The following ICAM3 variants were observed in gnomAD, a reference collection of about 807,000 sequenced individuals.
The protein encoded by ICAM3 is intercellular adhesion molecule 3.
Under a neutral mutation model 43.6 loss-of-function variants are expected in ICAM3, and 54 were observed. That is an observed-to-expected ratio of 1.24 (90% confidence interval 0.99 to 1.55). The LOEUF is 1.55. Among genes scored for constraint, ICAM3 ranks in the 40% most tolerant of loss-of-function variants. The probability of loss-of-function intolerance (pLI) is 0.00; values close to 1 mark genes in which losing one functional copy is unlikely to be tolerated. For missense variants in ICAM3, 715 were observed against 717.9 expected, an observed-to-expected ratio of 1.00 and a Z score of 0.05; for synonymous variants, 306 against 312.6, an observed-to-expected ratio of 0.98 and a Z score of 0.22.
Position 10,338,942 on chromosome 19 carries a change from T to C in ICAM3, c.83A>G (p.Gln28Arg), listed in dbSNP as rs2145104379. 2 of 1,613,788 alleles carry C rather than the reference T, an allele frequency of 1.2e-6. No individual in the cohort carries two copies. Among genetic ancestry groups the C allele is most frequent in the East Asian group, 4.5e-5 (2 of 44,890 alleles). Residue 28 changes from glutamine to arginine, a missense_variant, in exon 2 of 7, where the codon CAG becomes CGG. Transcript: ENST00000160262. ...LVCCLLTPGV[Q>R]GQEFLLRVEP... ...CACCCGCAAAAGGAACTCCTGCCCC[T>C]GGACACCTTCAGGAACATGAAGAAG...
rs1396820332 is a variant in ICAM3, at chr19:10,335,311, A to G, written c.692T>C (p.Leu231Ser). The G allele has an allele frequency of 1.2e-6, 2 of 1,612,158 alleles. No individual in the cohort carries two copies. The highest frequency in any genetic ancestry group is 8.5e-7 in the Non-Finnish European group (1 of 1,179,810). The stretch of plus-strand genomic sequence containing the variant: ...CACCGGCCACGACGTTTCCACCTCC[A>G]AGAACCGGGGGGCCACGAGGCGCGG... Reference protein sequence around the residue: ...TPPRLVAPRFLEVETSWPVDC... With the variant: ...TPPRLVAPRFSEVETSWPVDC... The change falls in exon 4 of 7, where the codon TTG becomes TCG. Residue 231 changes from leucine (L) to serine (S), a missense_variant. Coordinates refer to ENST00000160262, the MANE Select transcript of ICAM3 (RefSeq NM_002162.5).
rs1189993781 is a variant in ICAM3, at chr19:10,334,527, C to T, written c.1192+1G>A. On this transcript the variant is annotated splice_donor_variant, in intron 5 of 6. Coordinates refer to ENST00000160262, the MANE Select transcript of ICAM3 (RefSeq NM_002162.5). LOFTEE classifies it high-confidence loss of function. The surrounding 1 kb of genome is among the most constrained non-coding windows in gnomAD (Gnocchi z 5.5). ...ATTAAAGGTCAGGGTGACCGACTCA[C>T]ACAGGACTCGCAGCTGGACGCTACT... The T allele has an allele frequency of 4.4e-6, 7 of 1,606,004 alleles. No homozygotes were observed. The highest frequency in any genetic ancestry group is 1.3e-5 in the African/African-American group (1 of 74,828).
chr19:10,338,142 G>C (rs1242905271), intron 2 of ICAM3, among the ~76,000 whole-genome samples: 2 of 149,750 alleles, frequency 1.3e-5, no homozygotes, highest in Middle Eastern at 3.3e-3. Context: ...AGTGGCCCAT[G>C]CCTGTAATCC....
chr19:10,334,768 T>C lies in ICAM3; in HGVS notation c.952A>G (p.Ile318Val), dbSNP rs1179102499. The change falls in exon 5 of 7, where the codon ATT becomes GTT. Residue 318 changes from isoleucine (I) to valine (V), a missense_variant. Ile to Val is a conservative substitution (Grantham distance 29, BLOSUM62 3). Coordinates refer to ENST00000160262, the MANE Select transcript of ICAM3 (RefSeq NM_002162.5). The surrounding 1 kb of genome is among the most constrained non-coding windows in gnomAD (Gnocchi z 5.5). ...NLTVFSFLGP[I>V]VNLSEPTAHE... ...GCGGTGGGCTCGCTGAGGTTCACAATGGGTCCTAGGAAGCCTAAAGGCGGG... is the reference window on the plus strand; with the variant it reads ...GCGGTGGGCTCGCTGAGGTTCACAACGGGTCCTAGGAAGCCTAAAGGCGGG... The C allele has an allele frequency of 1.2e-6, 2 of 1,603,764 alleles. No homozygotes were observed. Among genetic ancestry groups the C allele is most frequent in the East Asian group, 2.2e-5 (1 of 44,706 alleles).
chr19:10,335,768 G>C lies in ICAM3; in HGVS notation c.552C>G (p.His184Gln). 6.2e-7 allele frequency: 1 copy of C among 1,612,590 alleles called. No individual in the cohort carries two copies. The highest frequency in any genetic ancestry group is 8.5e-7 in the Non-Finnish European group (1 of 1,179,762). The change falls in exon 3 of 7, where the codon CAC (histidine) becomes CAG (glutamine). Residue 184 changes from histidine (H) to glutamine (Q), a missense_variant. By Grantham distance (24) the His-to-Gln change is conservative (BLOSUM62 0). Coordinates refer to ENST00000160262, the MANE Select transcript of ICAM3 (RefSeq NM_002162.5). ...CTGTGCGGCATGAGAAAGGGGCTCC[G>C]TGGTCGTCTCTGCTGGCCAGCACAG... is the stretch of plus-strand genomic sequence containing the variant. Reference protein sequence around the residue: ...TATVLASRDDHGAPFSCRTEL... With the variant: ...TATVLASRDDQGAPFSCRTEL...
Position 10,335,962 on chromosome 19 carries a change from C to T in ICAM3, c.358G>A (p.Val120Met), listed in dbSNP as rs1275112086. 1.3e-6 allele frequency: 2 copies of T among 1,564,532 alleles called. No individual in the cohort carries two copies. Among genetic ancestry groups the T allele is most frequent in the Admixed American group, 3.7e-5 (2 of 53,960 alleles). Residue 120 changes from valine (V) to methionine (M), a missense_variant, in exon 3 of 7, where the codon GTG (valine) becomes ATG (methionine). Transcript: ENST00000160262. ...CAAGGAGGCAGGGGTGCCAGCTCCA[C>T]ACGCTCCGGGAGCCCTGAGAGAGGA... ...NITVYRLPERVELAPLPPWQP... is the reference protein window; with the variant it reads ...NITVYRLPERMELAPLPPWQP...
In ICAM3 at chr19:10,334,368, C is replaced by T. The variant is rs1400866833; in HGVS notation, c.1233G>A (p.Leu411=). ...CGTGTCTCGTTTTATCTTTCCATTT[C>T]AAGTGCTGGGGGCATGTGGCTCGGT... is the stretch of plus-strand genomic sequence containing the variant. ...KIDRATCPQH[L]KWKDKTRHVL... is the part of the protein sequence containing the mutation. Residue 411 remains leucine (L), a synonymous_variant, in exon 6 of 7, where the codon TTG becomes TTA. Transcript: ENST00000160262. This position sits in a 1 kb window ranked among gnomAD's most constrained non-coding sequence, Gnocchi z 5.5. 1.9e-6 allele frequency: 3 copies of T among 1,614,058 alleles called. No individual in the cohort carries two copies. Among genetic ancestry groups the T allele is most frequent in the East Asian group, 4.5e-5 (2 of 44,896 alleles).
rs1599310380 is a variant in ICAM3, at chr19:10,334,735, C to T, written c.985G>A (p.Gly329Arg). The T allele has an allele frequency of 6.2e-7, 1 of 1,610,872 alleles. No individual in the cohort carries two copies. The highest frequency in any genetic ancestry group is 8.5e-7 in the Non-Finnish European group (1 of 1,178,130). Residue 329 changes from glycine to arginine, a missense_variant, in exon 5 of 7, where the codon GGG (glycine) becomes AGG (arginine). Physicochemically the swap from Gly to Arg is moderately radical, Grantham distance 125. Coordinates refer to ENST00000160262, the MANE Select transcript of ICAM3 (RefSeq NM_002162.5). This position sits in a 1 kb window ranked among gnomAD's most constrained non-coding sequence, Gnocchi z 5.5. The part of the protein sequence containing the change: ...VNLSEPTAHE[G>R]STVTVSCMAG... ...ATGCAACTCACGGTCACTGTGGACC[C>T]CTCATGGGCGGTGGGCTCGCTGAGG...
chr19:10,335,767 C>A lies in ICAM3; in HGVS notation c.553G>T (p.Gly185Ter). 1 of 1,612,450 alleles carries A rather than the reference C, an allele frequency of 6.2e-7. No individual in the cohort carries two copies. ...ATVLASRDDH[G>*]APFSCRTELD... ...TCTGTGCGGCATGAGAAAGGGGCTCCGTGGTCGTCTCTGCTGGCCAGCACA... is the reference window on the plus strand; with the variant it reads ...TCTGTGCGGCATGAGAAAGGGGCTCAGTGGTCGTCTCTGCTGGCCAGCACA... Residue 185 changes from glycine (G) to a stop codon, truncating the protein, a stop_gained, in exon 3 of 7, where the codon GGA becomes TGA. Coordinates refer to ENST00000160262, the MANE Select transcript of ICAM3 (RefSeq NM_002162.5). LOFTEE classifies it high-confidence loss of function.
At chr19:10,337,416 CAAAA>C (rs1227458863) in intron 2 of ICAM3, among the ~76,000 whole-genome samples, 1 of 74,250 alleles carries the variant, frequency 1.3e-5, no homozygotes, top group Non-Finnish European at 2.7e-5. Flanking sequence ...GACTCTGTCT[CAAAA>C]AAAAAAAAAA....
At position 10,335,818 on chromosome 19, in the gene ICAM3, C is replaced by T. The variant is rs148431551; in HGVS notation, c.502G>A (p.Glu168Lys). The T allele has an allele frequency of 3.6e-4, 576 of 1,612,380 alleles. 1 individual carries two copies. The highest frequency in any genetic ancestry group is 1.9e-4 in the Non-Finnish European group (230 of 1,179,886). Residue 168 changes from glutamate to lysine, a missense_variant, in exon 3 of 7, where the codon GAG becomes AAG. Coordinates refer to ENST00000160262, the MANE Select transcript of ICAM3 (RefSeq NM_002162.5). Reference sequence around the variant, plus strand: ...GTGGCAGTGACCTCCGCTGGCTCCTCCACTGCGGGCTGCCGGCTCAGCTCC... The same window carrying T: ...GTGGCAGTGACCTCCGCTGGCTCCTTCACTGCGGGCTGCCGGCTCAGCTCC... ...EEELSRQPAV[E>K]EPAEVTATVL...
At position 10,335,852 on chromosome 19, in the gene ICAM3, G is replaced by A. The variant is rs752649575; in HGVS notation, c.468C>T (p.Arg156=). 5.0e-6 allele frequency: 8 copies of A among 1,610,838 alleles called. No individual in the cohort carries two copies. The South Asian group carries it at 6.6e-5, about 13-fold the overall frequency. ...PRTSLTVVLL[R]WEEELSRQPA... The stretch of plus-strand genomic sequence containing the variant: ...GCTGCCGGCTCAGCTCCTCCTCCCA[G>A]CGAAGCAGCACCACCGTGAGGCTGG... The change falls in exon 3 of 7, where the codon CGC becomes CGT. Residue 156 remains arginine, a synonymous_variant. Coordinates refer to ENST00000160262, the MANE Select transcript of ICAM3 (RefSeq NM_002162.5).
chr19:10,339,255 G>A (rs1292638457), intron 1 of ICAM3: 6 of 580,344 alleles, frequency 1.0e-5, no homozygotes, highest in Non-Finnish European at 1.8e-5. Context: ...CCTGGCAGAG[G>A]GAAGCACATA....
chr19:10,336,666 C>T (rs1295666243), intron 2 of ICAM3, among the ~76,000 whole-genome samples: 2 of 151,986 alleles, frequency 1.3e-5, no homozygotes, highest in Admixed American at 6.6e-5. Flanking sequence ...ATTAGCCAGG[C>T]ATGGTAGCAC....
chr19:10,338,969 C>A (rs1297949803), intron 1 of ICAM3, 21 bp from the exon 2 acceptor site: 2 of 1,609,004 alleles, frequency 1.2e-6, no homozygotes, highest in South Asian at 2.2e-5. Flanking sequence ...ATGAAGAAGT[C>A]CTGGTGTTTG....
rs1297667164 is a variant in ICAM3 at position 10,334,793 on chromosome 19, G to T, written c.938-11C>A. ...TGGGTCCTAGGAAGCCTAAAGGCGG[G>T]GCATTGCCCAGGAGCTTAATGAACA... On this transcript the variant is annotated splice_polypyrimidine_tract_variant and intron_variant, in intron 4 of 6. Coordinates refer to ENST00000160262, the MANE Select transcript of ICAM3 (RefSeq NM_002162.5). This position sits in a 1 kb window ranked among gnomAD's most constrained non-coding sequence, Gnocchi z 5.5. 1 of 1,570,920 alleles carries T rather than the reference G, an allele frequency of 6.4e-7. No homozygotes were observed. The highest frequency in any genetic ancestry group is 1.4e-5 in the African/African-American group (1 of 73,942).
rs749790536 is a variant in ICAM3 at position 10,338,728 on chromosome 19, G to C, written c.297C>G (p.Tyr99Ter). 1 of 1,614,152 alleles carries C rather than the reference G, an allele frequency of 6.2e-7. No homozygotes were observed. The highest frequency in any genetic ancestry group is 8.5e-7 in the Non-Finnish European group (1 of 1,180,014). ...AGCCTGTTATCTGAGAGCCATTGCA[G>C]TACACTGAGCAGAGGATCCGACTGT... Reference protein sequence around the residue: ...TGNSRILCSVYCNGSQITGSS... With the variant: ...TGNSRILCSV Residue 99 changes from tyrosine (Y) to a stop codon, truncating the protein, a stop_gained, in exon 2 of 7, where the codon TAC becomes TAG. Transcript: ENST00000160262. LOFTEE classifies it high-confidence loss of function.
At chr19:10,338,593 A>C in intron 2 of ICAM3, 89 bp downstream of exon 2, 1 of 1,278,226 alleles carries the variant, frequency 7.8e-7, no homozygotes, top group South Asian at 1.3e-5. Context: ...CATTCTTTGC[A>C]AACTGAGGGT....
At position 10,334,143 on chromosome 19, in the gene ICAM3, GC is replaced by G. The variant is rs759877559; in HGVS notation, c.1441+16del. ...CCCGGCTTACCGGTCCAGACCCGCA[GC>G]CCCGTGTTAGCTCACCCTCAATGTC... On this transcript the variant is annotated intron_variant, in intron 6 of 6. Transcript: ENST00000160262. This position sits in a 1 kb window ranked among gnomAD's most constrained non-coding sequence, Gnocchi z 5.5. 15 of 1,561,540 alleles carry G rather than the reference GC, an allele frequency of 9.6e-6. No homozygotes were observed. Among genetic ancestry groups the G allele is most frequent in the Non-Finnish European group, 1.2e-5 (14 of 1,133,136 alleles).
Sources: allele counts gnomAD v4.1 joint callset (sites outside exome capture counted in the v4.1 genomes callset), GRCh38; gene constraint gnomAD v4.1.1; non-coding constraint Gnocchi (gnomAD v3.1); transcripts MANE v1.5; gene names NCBI Gene and HGNC (gene_info 2026-07-23, HGNC 2026-07-21).